The following ARG2 variants were observed in gnomAD, a reference collection of about 807,000 sequenced individuals.
ARG2 encodes the protein arginase-2, mitochondrial.
ARG2 carries 21 observed loss-of-function variants against 39.4 expected under a neutral mutation model. The observed-to-expected ratio is 0.53, with a 90% CI of 0.38 to 0.77. The LOEUF (loss-of-function observed/expected upper bound fraction) is 0.77. Ranked by LOEUF, ARG2 falls within the 30% of genes least tolerant of loss-of-function variation. The pLI is 0.00. For missense variants in ARG2, 378 were observed against 426.2 expected, an observed-to-expected ratio of 0.89 and a Z score of 1.00; for synonymous variants, 150 against 156.7, an observed-to-expected ratio of 0.96 and a Z score of 0.32.
Position 67,620,065 on chromosome 14 carries a change from G to A in ARG2, c.88G>A (p.Gly30Arg), listed in dbSNP as rs1487001044. 6.2e-7 allele frequency: 1 copy of A among 1,610,190 alleles called. No homozygotes were observed. Among genetic ancestry groups the A allele is most frequent in the South Asian group, 1.1e-5 (1 of 90,396 alleles). The part of the protein sequence containing the change: ...KKSVHSVAVI[G>R]APFSQGQKRK... ...ATCCGTCCACTCCGTGGCTGTGATAGGAGCCCCGTTCTCACAAGGGCAGGT... is the reference window on the plus strand; with the variant it reads ...ATCCGTCCACTCCGTGGCTGTGATAAGAGCCCCGTTCTCACAAGGGCAGGT... The change falls in exon 1 of 8, where the codon GGA becomes AGA. Residue 30 changes from glycine to arginine, a missense_variant. Coordinates refer to ENST00000261783, the MANE Select transcript of ARG2 (RefSeq NM_001172.4).
rs749077322 is a variant in ARG2, at chr14:67,620,084, G to A, written c.107G>A (p.Gly36Glu). Residue 36 changes from glycine to glutamate, a missense_variant, in exon 1 of 8, where the codon GGG becomes GAG. Gly to Glu is a moderately conservative substitution (Grantham distance 98, BLOSUM62 -2). Coordinates refer to ENST00000261783, the MANE Select transcript of ARG2 (RefSeq NM_001172.4). ...VAVIGAPFSQ[G>E]QKRKGVEHGP... is the part of the protein sequence containing the mutation. ...GTGATAGGAGCCCCGTTCTCACAAGGGCAGGTGAGAACTGGCACCTGGAAC... is the reference window on the plus strand; with the variant it reads ...GTGATAGGAGCCCCGTTCTCACAAGAGCAGGTGAGAACTGGCACCTGGAAC... The A allele has an allele frequency of 6.2e-7, 1 of 1,602,208 alleles. No individual in the cohort carries two copies. Among genetic ancestry groups the A allele is most frequent in the Non-Finnish European group, 8.5e-7 (1 of 1,173,784 alleles).
In ARG2 at chr14:67,651,578, G is replaced by A. The variant is rs975091085; in HGVS notation, c.*658G>A. ...ACCTGGGACCACGGCTGGATACTCT[G>A]AGGCTGTATGTTTGATCACACAGCC... On this transcript the variant is annotated 3_prime_UTR_variant, in exon 8 of 8. Coordinates refer to ENST00000261783, the MANE Select transcript of ARG2 (RefSeq NM_001172.4). 1 of 1,368,632 alleles carries A rather than the reference G, an allele frequency of 7.3e-7. No homozygotes were observed. The highest frequency in any genetic ancestry group is 1.5e-5 in the African/African-American group (1 of 68,774). 84.8% of individuals were successfully genotyped at this position (1,368,632 alleles called of 1,614,324 possible).
chr14:67,645,210 G>C (rs4902505), intron 3 of ARG2, among the ~76,000 whole-genome samples: 147,036 of 151,520 alleles, frequency 0.97, 71,473 homozygotes, highest in East Asian at 1. Flanking sequence ...GACAGGGTGT[G>C]ACTATTTTGC....
At position 67,646,696 on chromosome 14, in the gene ARG2, G is replaced by A. The variant is rs1464372730; in HGVS notation, c.575G>A (p.Ser192Asn). Residue 192 changes from serine to asparagine, a missense_variant, in exon 5 of 8, where the codon AGT (serine) becomes AAT (asparagine). Coordinates refer to ENST00000261783, the MANE Select transcript of ARG2 (RefSeq NM_001172.4). ...SWIKPCISSA[S>N]IVYIGLRDVD... is the part of the protein sequence containing the mutation. Reference sequence around the variant, plus strand: ...ATCAAACCTTGTATCTCTTCTGCAAGTATTGTGTATATTGGTCTGAGAGAC... The same window carrying A: ...ATCAAACCTTGTATCTCTTCTGCAAATATTGTGTATATTGGTCTGAGAGAC... 1 of 1,613,800 alleles carries A rather than the reference G, an allele frequency of 6.2e-7. No homozygotes were observed. Among genetic ancestry groups the A allele is most frequent in the African/African-American group, 1.3e-5 (1 of 74,910 alleles).
In ARG2 at chr14:67,625,764, G is replaced by GACTGCCC. The variant is rs1487853191; in HGVS notation, c.184+4800_184+4806dup. Among the ~76,000 whole-genome samples, 3 of 130,048 alleles carry GACTGCCC rather than the reference G, an allele frequency of 2.3e-5. No individual in the cohort carries two copies. In the East Asian group the frequency reaches 7.0e-4, roughly 30 times the overall value. 85.3% of individuals were successfully genotyped at this position (130,048 alleles called of 152,430 possible). A position where few individuals can be genotyped will look rare whatever the true frequency, so the allele number is the denominator to read the frequency against. ...AAAAAAAAAAGAGAAAAGGTAAAAA[G>GACTGCCC]ACTGCCCATAGAATTGGCAAAATAT... On this transcript the variant is annotated intron_variant, in intron 2 of 7. Coordinates refer to ENST00000261783, the MANE Select transcript of ARG2 (RefSeq NM_001172.4).
chr14:67,641,206 C>T (rs1471156579), intron 2 of ARG2, among the ~76,000 whole-genome samples: 1 of 152,060 alleles, frequency 6.6e-6, no homozygotes, highest in African/African-American at 2.4e-5. Flanking sequence ...TATAAAATTA[C>T]CTTCAGGCTA....
intron 2 of ARG2, among the ~76,000 whole-genome samples, chr14:67,636,710 G>T (rs761259015): frequency 6.6e-6 from 1 of 152,354 alleles, no homozygotes; most frequent in Non-Finnish European, 1.5e-5. Flanking sequence ...TGAAAGATCA[G>T]AGTAGTACTC....
intron 2 of ARG2, among the ~76,000 whole-genome samples, chr14:67,622,867 G>C (rs1026146333): frequency 6.6e-6 from 1 of 152,200 alleles, no homozygotes; most frequent in Non-Finnish European, 1.5e-5. Flanking sequence ...ATCAGCTGAG[G>C]CTGCTGAATG....
At chr14:67,645,032 T>C (rs957057345) in intron 3 of ARG2, among the ~76,000 whole-genome samples, 1 of 151,704 alleles carries the variant, frequency 6.6e-6, no homozygotes, top group Non-Finnish European at 1.5e-5. Flanking sequence ...GCCATGCTAA[T>C]ATATATAAGG....
Position 67,651,209 on chromosome 14 carries a change from T to C in ARG2, c.*289T>C. 1 of 1,269,674 alleles carries C rather than the reference T, an allele frequency of 7.9e-7. No homozygotes were observed. Among genetic ancestry groups the C allele is most frequent in the East Asian group, 2.5e-5 (1 of 39,608 alleles). The allele number at this position is 1,269,674 out of a possible 1,614,324, so 78.7% of individuals were successfully genotyped here. On this transcript the variant is annotated 3_prime_UTR_variant, in exon 8 of 8. Transcript: ENST00000261783. ...TATATCATACTGGTCTTGTTGCTGT[T>C]GTTCCTTCACATTTAAGTGGTTTTT...
chr14:67,637,121 G>A (rs2036979654), intron 2 of ARG2, among the ~76,000 whole-genome samples: 1 of 152,104 alleles, frequency 6.6e-6, no homozygotes, highest in Non-Finnish European at 1.5e-5. Context: ...TAAAGAAATA[G>A]CTTTAAGGCT....
chr14:67,621,091 C>G, intron 2 of ARG2, 125 bp downstream of exon 2: 1 of 847,496 alleles, frequency 1.2e-6, no homozygotes, highest in Non-Finnish European at 1.9e-6. Context: ...CCCGCATCCT[C>G]CTTTGGATTC....
At chr14:67,627,273 A>ATC (rs1245991636) in intron 2 of ARG2, among the ~76,000 whole-genome samples, 1 of 148,840 alleles carries the variant, frequency 6.7e-6, no homozygotes, top group Non-Finnish European at 1.5e-5. Context: ...ATATATATAT[A>ATC]TATATATATC....
At chr14:67,626,235 C>CA (rs1486866971) in intron 2 of ARG2, among the ~76,000 whole-genome samples, 1 of 151,724 alleles carries the variant, frequency 6.6e-6, no homozygotes, top group East Asian at 1.9e-4. Flanking sequence ...GCCTGGGCAA[C>CA]AGAGTGAGAC....
At chr14:67,645,871 T>C in intron 4 of ARG2, 69 bp downstream of exon 4, 1 of 1,561,162 alleles carries the variant, frequency 6.4e-7, no homozygotes, top group South Asian at 1.2e-5. Context: ...TCTAGTTCAG[T>C]TAAGATTTTG....
At chr14:67,633,954 G>A (rs1489876608) in intron 2 of ARG2, among the ~76,000 whole-genome samples, 2 of 152,122 alleles carry the variant, frequency 1.3e-5, no homozygotes, top group Admixed American at 6.5e-5. Flanking sequence ...TGTACATCTG[G>A]TTCATAGCAA....
intron 2 of ARG2, among the ~76,000 whole-genome samples, chr14:67,624,991 C>T (rs912081939): frequency 1.3e-5 from 2 of 152,122 alleles, no homozygotes; most frequent in Admixed American, 6.6e-5. Flanking sequence ...AAAGGGAGAA[C>T]AGAGGTGATA....
chr14:67,621,783 T>C (rs1307944652), intron 2 of ARG2, among the ~76,000 whole-genome samples: 2 of 151,472 alleles, frequency 1.3e-5, no homozygotes, highest in Non-Finnish European at 2.9e-5. Context: ...ACCCTTCTCT[T>C]AGTAACAGCA....
chr14:67,621,323 G>T (rs1394738576), intron 2 of ARG2, among the ~76,000 whole-genome samples: 1 of 152,000 alleles, frequency 6.6e-6, no homozygotes, highest in Non-Finnish European at 1.5e-5. Context: ...TATCAGTCTC[G>T]CCAGTTTTCT....
Sources: gnomAD v4.1 joint callset for allele counts (sites outside exome capture counted in the v4.1 genomes callset) on GRCh38, gnomAD v4.1.1 for gene constraint, MANE v1.5 for transcripts, NCBI Gene and HGNC (gene_info 2026-07-23, HGNC 2026-07-21) for gene names.